The following CLVS1 variants were observed in gnomAD, a reference collection of about 807,000 sequenced individuals.
The protein encoded by CLVS1 is clavesin-1.
A neutral mutation model predicts 33.1 loss-of-function variants in CLVS1; 10 were observed. That is an observed-to-expected ratio of 0.30 (90% CI 0.19 to 0.51). The LOEUF (loss-of-function observed/expected upper bound fraction) is 0.51. Among genes scored for constraint, CLVS1 ranks in the 20% least tolerant of loss-of-function variants. The pLI is 0.97. For synonymous variants in CLVS1, 163 were observed against 166.1 expected (o/e 0.98, Z 0.14); for missense variants, 343 against 433.4 (o/e 0.79, Z 1.85).
Position 61,236,781 on chromosome 8 carries a change from A to T in CLVS1, c.-151-62896A>T, listed in dbSNP as rs529339984. Among the ~76,000 whole-genome samples, 6 of 152,254 alleles carry T rather than the reference A, an allele frequency of 3.9e-5. No homozygotes were observed. In the South Asian group the frequency reaches 1.2e-3, roughly 32 times the overall value. ...ATGGAGTTCACCGACCTCATTTTACAAATGAGGAAATTATGGTCAAGAGAG... is the reference window on the plus strand; with the variant it reads ...ATGGAGTTCACCGACCTCATTTTACTAATGAGGAAATTATGGTCAAGAGAG... On this transcript the variant is annotated intron_variant, in intron 2 of 2. Transcript: ENST00000522621.
the CLVS1 span, among the ~76,000 whole-genome samples, chr8:60,974,491 T>C: frequency 6.6e-6 from 1 of 152,218 alleles, no homozygotes; most frequent in Non-Finnish European, 1.5e-5. Context: ...AAACATTGAC[T>C]TCCTCAAAGT....
At chr8:61,163,210 A>C (rs1383709931) in intron 2 of CLVS1, among the ~76,000 whole-genome samples, 1 of 152,148 alleles carries the variant, frequency 6.6e-6, no homozygotes, top group African/African-American at 2.4e-5. Context: ...CATCTGTGTC[A>C]ACAGGATCTT....
chr8:61,064,537 AT>A (rs35743247), intron 1 of CLVS1, among the ~76,000 whole-genome samples: 14,387 of 88,576 alleles, frequency 0.16, 559 homozygotes, highest in South Asian at 0.25. Flanking sequence ...TTCTTTGCCC[AT>A]TTTTTTTTTT....
At chr8:61,097,183 G>A (rs1330863846) in intron 1 of CLVS1, among the ~76,000 whole-genome samples, 8 of 146,222 alleles carry the variant, frequency 5.5e-5, no homozygotes, top group African/African-American at 1.8e-4. Context: ...AACATAGGGA[G>A]ATCCCACCTC....
intron 1 of CLVS1, among the ~76,000 whole-genome samples, chr8:61,068,234 T>C (rs1038776921): frequency 5.5e-5 from 8 of 146,416 alleles, no homozygotes; most frequent in African/African-American, 1.8e-4. Context: ...TATGTGTATA[T>C]ATATATATAT....
At chr8:60,965,913 G>T in the CLVS1 span, 142 of 158,266 alleles carry the variant, frequency 9.0e-4, no homozygotes, top group African/African-American at 3.3e-3. Context: ...CCAGGTTCAA[G>T]CCATCCTCCT....
the CLVS1 span, among the ~76,000 whole-genome samples, chr8:61,030,091 G>A: frequency 6.6e-6 from 1 of 152,238 alleles, no homozygotes; most frequent in Admixed American, 6.5e-5. Context: ...TTGGCAGCCA[G>A]TGGACTAGGC....
At chr8:61,473,840 G>A (rs1450910515) in intron 5 of CLVS1, among the ~76,000 whole-genome samples, 1 of 152,208 alleles carries the variant, frequency 6.6e-6, no homozygotes, top group East Asian at 1.9e-4. Context: ...CCAAGATAAG[G>A]AACTCTGGAA....
chr8:61,084,903 A>G (rs1805091348), intron 1 of CLVS1, among the ~76,000 whole-genome samples: 1 of 152,240 alleles, frequency 6.6e-6, no homozygotes, highest in Non-Finnish European at 1.5e-5. Flanking sequence ...AATGGGAATG[A>G]AACTAGCCAG....
intron 1 of CLVS1, among the ~76,000 whole-genome samples, chr8:61,065,027 A>C (rs1224582247): frequency 6.6e-6 from 1 of 152,140 alleles, no homozygotes; most frequent in East Asian, 1.9e-4. Context: ...TTAAAGGACT[A>C]ATATGTTCCT....
intron 3 of CLVS1, among the ~76,000 whole-genome samples, chr8:61,385,335 T>C (rs906110059): frequency 5.3e-5 from 8 of 152,210 alleles, no homozygotes; most frequent in Non-Finnish European, 2.9e-5. Context: ...CTGTTCTGAA[T>C]ACACTATGTA....
intron 2 of CLVS1, among the ~76,000 whole-genome samples, chr8:61,199,100 G>A (rs1418147242): frequency 1.3e-5 from 2 of 152,074 alleles, no homozygotes; most frequent in African/African-American, 4.8e-5. Flanking sequence ...GGGATTGCTG[G>A]ATCAAATGGT....
chr8:61,173,376 A>T (rs762754899), intron 2 of CLVS1, among the ~76,000 whole-genome samples: 1 of 152,050 alleles, frequency 6.6e-6, no homozygotes, highest in Non-Finnish European at 1.5e-5. Flanking sequence ...GTGGAGATCA[A>T]TGTGGTCTTG....
At chr8:61,140,102 A>T (rs1806279458) in intron 2 of CLVS1, among the ~76,000 whole-genome samples, 2 of 152,080 alleles carry the variant, frequency 1.3e-5, no homozygotes, top group Admixed American at 1.3e-4. Context: ...GAAAGAGAGC[A>T]GCAAGCGAGC....
chr8:61,018,485 C>T, the CLVS1 span, among the ~76,000 whole-genome samples: 1 of 152,126 alleles, frequency 6.6e-6, no homozygotes, highest in African/African-American at 2.4e-5. Flanking sequence ...TTGGGGATGG[C>T]AGAGGGAACA....
intron 1 of CLVS1, among the ~76,000 whole-genome samples, chr8:61,289,266 T>A (rs1809888999): frequency 6.6e-6 from 1 of 152,232 alleles, no homozygotes; most frequent in South Asian, 2.1e-4. Flanking sequence ...TTTATGTAAC[T>A]CCATTCTGCC....
chr8:61,247,509 G>T (rs898635650), intron 2 of CLVS1, among the ~76,000 whole-genome samples: 4 of 152,120 alleles, frequency 2.6e-5, no homozygotes, highest in African/African-American at 9.7e-5. Flanking sequence ...GTGTGAGATG[G>T]TATTTCACTG....
chr8:61,039,729 A>G, the CLVS1 span, among the ~76,000 whole-genome samples: 1 of 152,086 alleles, frequency 6.6e-6, no homozygotes, highest in African/African-American at 2.4e-5. Flanking sequence ...TTGTGGAGAC[A>G]GGGTCCCCCT....
At chr8:61,306,936 CG>C (rs1810649729) in intron 2 of CLVS1, among the ~76,000 whole-genome samples, 1 of 152,168 alleles carries the variant, frequency 6.6e-6, no homozygotes, top group South Asian at 2.1e-4. Flanking sequence ...TAAGTGCAGA[CG>C]GTCCTCTGCA....
Sources: gnomAD v4.1 joint callset for allele counts (sites outside exome capture counted in the v4.1 genomes callset) on GRCh38, gnomAD v4.1.1 for gene constraint, MANE v1.5 for transcripts, NCBI Gene and HGNC (gene_info 2026-07-23, HGNC 2026-07-21) for gene names.